Variants in MMAB observed in about 807,000 individuals in gnomAD.
MMAB encodes metabolism of cobalamin associated B.
Under a neutral mutation model 30.6 loss-of-function variants are expected in MMAB, and 17 were observed. The observed-to-expected ratio is 0.56, with a 90% CI of 0.38 to 0.83. The LOEUF is 0.83. Ranked by LOEUF, MMAB falls within the 40% of genes least tolerant of loss-of-function variation. MMAB has a pLI of 0.00. For synonymous variants in MMAB, 134 were observed against 138.6 expected (o/e 0.97, Z 0.23); for missense variants, 311 against 331.6 (o/e 0.94, Z 0.48).
At chr12:109,557,182 G>A (rs899213322) in intron 8 of MMAB, 46 bp from the exon 9 acceptor site, 2 of 1,277,612 alleles carry the variant, frequency 1.6e-6, no homozygotes, top group Middle Eastern at 1.8e-4. Flanking sequence ...TTTGAAATGA[G>A]AGATCAACGC....
In MMAB at chr12:109,561,592, G is replaced by T; in HGVS notation, c.422-75C>A. On this transcript the variant is annotated intron_variant, in intron 5 of 8. Transcript: ENST00000545712. The surrounding 1 kb of genome is among the most constrained non-coding windows in gnomAD (Gnocchi z 5.3). Reference sequence around the variant, plus strand: ...GACCATGGCGGGAACCACCCCCGCCGCCCTTCCACCTGGGTGTCCCGCAGA... The same window carrying T: ...GACCATGGCGGGAACCACCCCCGCCTCCCTTCCACCTGGGTGTCCCGCAGA... The T allele has an allele frequency of 7.5e-7, 1 of 1,337,346 alleles. No homozygotes were observed. The highest frequency in any genetic ancestry group is 1.0e-6 in the Non-Finnish European group (1 of 962,118). The allele number at this position is 1,337,346 out of a possible 1,614,324, so 82.8% of individuals were successfully genotyped here.
In MMAB at chr12:109,569,757, C is replaced by G. The variant is rs529677671; in HGVS notation, c.197-894G>C. ...TGAACACAAACCATTTCACAGAAAA[C>G]CATCAGACAGGCCACTCTATGACTA... On this transcript the variant is annotated intron_variant, in intron 2 of 8. Transcript: ENST00000545712. This position sits in a 1 kb window ranked among gnomAD's most constrained non-coding sequence, Gnocchi z 4.1. Among the ~76,000 whole-genome samples, 10 of 152,270 alleles carry G rather than the reference C, an allele frequency of 6.6e-5. No homozygotes were observed. The highest frequency in any genetic ancestry group is 4.1e-4 in the South Asian group (2 of 4,832).
At position 109,554,583 on chromosome 12, in the gene MMAB, G is replaced by A. The variant is rs1289935698; in HGVS notation, c.*2445C>T. The A allele has an allele frequency of 4.4e-6, 2 of 454,120 alleles. No homozygotes were observed. The highest frequency in any genetic ancestry group is 2.3e-5 in the Admixed American group (1 of 42,574). The allele number at this position is 454,120 out of a possible 1,614,324, so 28.1% of individuals were successfully genotyped here. ...CAAAACCCCGTGTTCCCGTGCAATG[G>A]GACTGATTGTTTCTGAGAGTTGCCA... On this transcript the variant is annotated 3_prime_UTR_variant, in exon 9 of 9. Transcript: ENST00000545712.
In MMAB at chr12:109,555,036, G is replaced by T. The variant is rs1293526836; in HGVS notation, c.*1992C>A. On this transcript the variant is annotated 3_prime_UTR_variant, in exon 9 of 9. Coordinates refer to ENST00000545712, the MANE Select transcript of MMAB (RefSeq NM_052845.4). The stretch of plus-strand genomic sequence containing the variant: ...GGAAGGACAGGACTTGGCAACAGGT[G>T]AACGGCCTTGTTTCAAAGATTGTCA... The T allele has an allele frequency of 2.2e-6, 1 of 454,110 alleles. No individual in the cohort carries two copies. Among genetic ancestry groups the T allele is most frequent in the Non-Finnish European group, 4.4e-6 (1 of 226,798 alleles). 28.1% of individuals were successfully genotyped at this position (454,110 alleles called of 1,614,324 possible).
chr12:109,561,165 G>C lies in MMAB; in HGVS notation c.520-61C>G. The C allele has an allele frequency of 6.3e-7, 1 of 1,598,920 alleles. No homozygotes were observed. The highest frequency in any genetic ancestry group is 1.7e-5 in the Admixed American group (1 of 60,004). On this transcript the variant is annotated intron_variant, in intron 6 of 8. Coordinates refer to ENST00000545712, the MANE Select transcript of MMAB (RefSeq NM_052845.4). This position sits in a 1 kb window ranked among gnomAD's most constrained non-coding sequence, Gnocchi z 5.3. ...GGAAAGGTGTGCCCACTGCGGACAG[G>C]AGCTCCTCTGAAGTCCAGCCCTGCC...
In MMAB at chr12:109,561,758, C is replaced by A. The variant is rs1218604488; in HGVS notation, c.421+22G>T. The A allele has an allele frequency of 3.8e-6, 6 of 1,596,534 alleles. No homozygotes were observed. Among genetic ancestry groups the A allele is most frequent in the African/African-American group, 1.3e-5 (1 of 74,478 alleles). On this transcript the variant is annotated intron_variant, in intron 5 of 8. Transcript: ENST00000545712. The surrounding 1 kb of genome is among the most constrained non-coding windows in gnomAD (Gnocchi z 5.3). ...CCCTGACCCTAGGGCCCTCTGAACA[C>A]CCACAGGAGTTTGAGAATTACTTAA...
At chr12:109,566,376 C>T (rs1172257380) in intron 3 of MMAB, among the ~76,000 whole-genome samples, 2 of 152,270 alleles carry the variant, frequency 1.3e-5, no homozygotes, top group Non-Finnish European at 2.9e-5. Flanking sequence ...CCTGGCACAT[C>T]TTACAGTTAG....
intron 4 of MMAB, among the ~76,000 whole-genome samples, 174 bp from the exon 5 acceptor site, chr12:109,562,026 C>A (rs907528587): frequency 5.9e-5 from 9 of 152,174 alleles, no homozygotes; most frequent in African/African-American, 2.2e-4. Context: ...ATTGTGATCC[C>A]CAGAGTTGGA....
At position 109,561,248 on chromosome 12, in the gene MMAB, A is replaced by T; in HGVS notation, c.520-144T>A. The T allele has an allele frequency of 6.3e-7, 1 of 1,589,802 alleles. No homozygotes were observed. Among genetic ancestry groups the T allele is most frequent in the Non-Finnish European group, 8.5e-7 (1 of 1,175,638 alleles). On this transcript the variant is annotated intron_variant, in intron 6 of 8. Coordinates refer to ENST00000545712, the MANE Select transcript of MMAB (RefSeq NM_052845.4). This position sits in a 1 kb window ranked among gnomAD's most constrained non-coding sequence, Gnocchi z 5.3. ...CCCTGCCACGGCACACCCACCGGGC[A>T]CGCTGCTCCAGAGTGGGCAGGGCTG...
chr12:109,556,646 TCTCACACACACA>T lies in MMAB; in HGVS notation c.*370_*381del, dbSNP rs1331173320. ...CTGAGCTGGCAGTGGGAGGGCTCTC[TCTCACACACACA>T]CACACACACACACACACACACACAC... is the stretch of plus-strand genomic sequence containing the variant. On this transcript the variant is annotated 3_prime_UTR_variant, in exon 9 of 9. Transcript: ENST00000545712. 5.4e-4 allele frequency: 233 copies of T among 427,856 alleles called. No individual in the cohort carries two copies. The highest frequency in any genetic ancestry group is 2.1e-3 in the African/African-American group (84 of 39,548). The allele number at this position is 427,856 out of a possible 1,614,324, so 26.5% of individuals were successfully genotyped here. A position where few individuals can be genotyped will look rare whatever the true frequency, so the allele number is the denominator to read the frequency against.
Position 109,561,895 on chromosome 12 carries a change from G to A in MMAB, c.349-43C>T. 6.5e-7 allele frequency: 1 copy of A among 1,547,282 alleles called. No individual in the cohort carries two copies. Among genetic ancestry groups the A allele is most frequent in the South Asian group, 1.2e-5 (1 of 85,800 alleles). ...GTGACAGTCAAGATCTATGTGAGAT[G>A]GGCTGGACAGAGACAATGTGCAGAG... is the stretch of plus-strand genomic sequence containing the variant. On this transcript the variant is annotated intron_variant, in intron 4 of 8. Transcript: ENST00000545712. This position sits in a 1 kb window ranked among gnomAD's most constrained non-coding sequence, Gnocchi z 5.3.
rs34507867 is a variant in MMAB at position 109,555,449 on chromosome 12, A to AT, written c.*1578dup. 0.018 allele frequency: 5,756 copies of AT among 315,314 alleles called. 17 individuals carry two copies. Among genetic ancestry groups the AT allele is most frequent in the African/African-American group, 0.031 (1,010 of 32,956 alleles). 19.5% of individuals were successfully genotyped at this position (315,314 alleles called of 1,614,324 possible). ...AGGCACCCGCCACCATGCCCAGCTAATTTTTTTTTTTTTTTTTTTTTTTTA... is the reference window on the plus strand; with the variant it reads ...AGGCACCCGCCACCATGCCCAGCTAATTTTTTTTTTTTTTTTTTTTTTTTTA... On this transcript the variant is annotated 3_prime_UTR_variant, in exon 9 of 9. Coordinates refer to ENST00000545712, the MANE Select transcript of MMAB (RefSeq NM_052845.4).
intron 4 of MMAB, among the ~76,000 whole-genome samples, chr12:109,562,381 C>G: frequency 6.6e-6 from 1 of 152,210 alleles, no homozygotes; most frequent in South Asian, 2.1e-4. Context: ...GGCTATCAGA[C>G]CTTGAACTGG....
rs966781129 is a variant in MMAB, at chr12:109,561,605, G to C, written c.422-88C>G. The C allele has an allele frequency of 1.5e-6, 2 of 1,297,580 alleles. No individual in the cohort carries two copies. The highest frequency in any genetic ancestry group is 3.9e-5 in the Admixed American group (2 of 50,682). The allele number at this position is 1,297,580 out of a possible 1,614,324, so 80.4% of individuals were successfully genotyped here. On this transcript the variant is annotated intron_variant, in intron 5 of 8. Coordinates refer to ENST00000545712, the MANE Select transcript of MMAB (RefSeq NM_052845.4). This position sits in a 1 kb window ranked among gnomAD's most constrained non-coding sequence, Gnocchi z 5.3. ...ACCACCCCCGCCGCCCTTCCACCTG[G>C]GTGTCCCGCAGACTGCTTCCACTGG...
In MMAB at chr12:109,567,014, G is replaced by C. The variant is rs560446247; in HGVS notation, c.290+1756C>G. On this transcript the variant is annotated intron_variant, in intron 3 of 8. Coordinates refer to ENST00000545712, the MANE Select transcript of MMAB (RefSeq NM_052845.4). ...TTATCTGTCCCGAAAATCTCACCTA[G>C]TCAGGCCCGCCATGGAGAAATGGTA... 19 of 455,904 alleles carry C rather than the reference G, an allele frequency of 4.2e-5. No homozygotes were observed. In the East Asian group the frequency reaches 7.7e-4, roughly 18 times the overall value. The allele number at this position is 455,904 out of a possible 1,614,324, so 28.2% of individuals were successfully genotyped here.
At position 109,558,884 on chromosome 12, in the gene MMAB, G is replaced by A. The variant is rs35072126; in HGVS notation, c.644+212C>T. Among the ~76,000 whole-genome samples, 25,512 of 152,026 alleles carry A rather than the reference G, an allele frequency of 0.17. 2,208 individuals carry two copies. Among genetic ancestry groups the A allele is most frequent in the African/African-American group, 0.18 (7,623 of 41,444 alleles). ...CTCCCAATAAGATCTAAATCTTATC[G>A]GGACAGGCACAGGGCCCACCTTGTT... is the stretch of plus-strand genomic sequence containing the variant. On this transcript the variant is annotated intron_variant, in intron 8 of 8. Coordinates refer to ENST00000545712, the MANE Select transcript of MMAB (RefSeq NM_052845.4). This position sits in a 1 kb window ranked among gnomAD's most constrained non-coding sequence, Gnocchi z 4.3.
chr12:109,557,148 G>A lies in MMAB; in HGVS notation c.645-12C>T, dbSNP rs773449941. 2.0e-6 allele frequency: 3 copies of A among 1,494,052 alleles called. No individual in the cohort carries two copies. Among genetic ancestry groups the A allele is most frequent in the Middle Eastern group, 1.7e-4 (1 of 5,822 alleles). The allele number at this position is 1,494,052 out of a possible 1,614,324, so 92.5% of individuals were successfully genotyped here. A position where few individuals can be genotyped will look rare whatever the true frequency, so the allele number is the denominator to read the frequency against. ...GATAGTCACTGAGTCTGGAGGGGCAGAGAGAGAGAAGCAAACAGAATGGTT... is the reference window on the plus strand; with the variant it reads ...GATAGTCACTGAGTCTGGAGGGGCAAAGAGAGAGAAGCAAACAGAATGGTT... On this transcript the variant is annotated splice_polypyrimidine_tract_variant and intron_variant, in intron 8 of 8. Transcript: ENST00000545712.
chr12:109,564,348 A>G (rs140522948), intron 4 of MMAB, among the ~76,000 whole-genome samples: 1 of 141,674 alleles, frequency 7.1e-6, no homozygotes, highest in African/African-American at 2.6e-5. Flanking sequence ...GGAAGATTAT[A>G]TGTCTCCAGT....
In MMAB at chr12:109,561,787, A is replaced by G; in HGVS notation, c.414T>C (p.Ala138=). The change falls in exon 5 of 9, where the codon GCT becomes GCC. Residue 138 remains alanine, a synonymous_variant. Transcript: ENST00000545712. This position sits in a 1 kb window ranked among gnomAD's most constrained non-coding sequence, Gnocchi z 5.3. ...LATPCSSARE[A]HLKYTTFKAG... ...CAGGAGTTTGAGAATTACTTAAGTG[A>G]GCCTCCCGGGCCGAGGAGCATGGTG... 6.2e-7 allele frequency: 1 copy of G among 1,607,904 alleles called. No individual in the cohort carries two copies. Among genetic ancestry groups the G allele is most frequent in the Non-Finnish European group, 8.5e-7 (1 of 1,177,022 alleles).
Sources: allele counts gnomAD v4.1 joint callset (sites outside exome capture counted in the v4.1 genomes callset), GRCh38; gene constraint gnomAD v4.1.1; non-coding constraint Gnocchi (gnomAD v3.1); transcripts MANE v1.5; gene names NCBI Gene and HGNC (gene_info 2026-07-23, HGNC 2026-07-21).